The following ETV3L variants were observed in gnomAD, a reference collection of about 807,000 sequenced individuals.
The protein encoded by ETV3L is ETS translocation variant 3-like protein.
ETV3L carries 30 observed loss-of-function variants against 27.6 expected under a neutral mutation model. The ratio of observed to expected loss-of-function variants is 1.09; its 90% CI spans 0.81 to 1.48. The LOEUF is 1.48. Ranked by LOEUF, ETV3L falls within the 40% of genes most tolerant of loss-of-function variation. ETV3L has a pLI of 0.00. For missense variants in ETV3L, 443 were observed against 455.6 expected, an observed-to-expected ratio of 0.97 and a Z score of 0.25; for synonymous variants, 186 against 188.9, an observed-to-expected ratio of 0.98 and a Z score of 0.12.
rs776003709 is a variant in ETV3L at position 157,098,668 on chromosome 1, T to C, written c.486+38A>G. 2.0e-6 allele frequency: 3 copies of C among 1,531,058 alleles called. No individual in the cohort carries two copies. The African/African-American group carries it at 4.2e-5, about 21-fold the overall frequency. The allele number at this position is 1,531,058 out of a possible 1,614,324, so 94.8% of individuals were successfully genotyped here. ...GCCTCCTGGGCAGAGGGGTAGGACCTGGTGGAGCCCTGAGACAGGGGCCAC... is the reference window on the plus strand; with the variant it reads ...GCCTCCTGGGCAGAGGGGTAGGACCCGGTGGAGCCCTGAGACAGGGGCCAC... On this transcript the variant is annotated intron_variant, in intron 3 of 4. Transcript: ENST00000454449.
intron 4 of ETV3L, among the ~76,000 whole-genome samples, chr1:157,095,223 G>A (rs1674197172): frequency 6.6e-6 from 1 of 152,152 alleles, no homozygotes; most frequent in African/African-American, 2.4e-5. Context: ...TCTCCAACAG[G>A]TTCCCAACCT....
Position 157,099,393 on chromosome 1 carries a change from G to A in ETV3L, c.59-15C>T. The A allele has an allele frequency of 6.2e-7, 1 of 1,614,084 alleles. No individual in the cohort carries two copies. The highest frequency in any genetic ancestry group is 1.3e-5 in the African/African-American group (1 of 75,066). ...GAAGGCCAACCCTGGGTGGAGAGGGGAGAGTGAGGGCTCTGGAGGCCCTGC... is the reference window on the plus strand; with the variant it reads ...GAAGGCCAACCCTGGGTGGAGAGGGAAGAGTGAGGGCTCTGGAGGCCCTGC... On this transcript the variant is annotated splice_polypyrimidine_tract_variant and intron_variant, in intron 1 of 4. Transcript: ENST00000454449.
At chr1:157,093,741 C>T (rs1020445820) in intron 4 of ETV3L, among the ~76,000 whole-genome samples, 4 of 152,194 alleles carry the variant, frequency 2.6e-5, no homozygotes, top group Non-Finnish European at 5.9e-5. Context: ...GATCCACCTG[C>T]CTTGGCGTCC....
At chr1:157,094,370 C>T (rs1674180978) in intron 4 of ETV3L, among the ~76,000 whole-genome samples, 1 of 152,196 alleles carries the variant, frequency 6.6e-6, no homozygotes, top group Non-Finnish European at 1.5e-5. Context: ...CTTTCCACCT[C>T]CAAAAAGGCT....
intron 2 of ETV3L, 68 bp from the exon 3 acceptor site, chr1:157,098,963 C>T: frequency 1.3e-6 from 2 of 1,520,776 alleles, no homozygotes; most frequent in Non-Finnish European, 1.8e-6. Context: ...GACCCAGTCA[C>T]ATTCTCCTCC....
chr1:157,094,491 C>T (rs187534756), intron 4 of ETV3L, among the ~76,000 whole-genome samples: 3 of 152,374 alleles, frequency 2.0e-5, no homozygotes, highest in African/African-American at 7.2e-5. Context: ...TAGAACTTCA[C>T]ATCACTTTCT....
chr1:157,096,461 C>T (rs188440627), intron 4 of ETV3L, among the ~76,000 whole-genome samples: 37 of 152,232 alleles, frequency 2.4e-4, no homozygotes, highest in Admixed American at 2.1e-3. Context: ...AGTGAATGAA[C>T]CCTATCTTCC....
Position 157,099,647 on chromosome 1 carries a change from G to A in ETV3L, c.-124C>T. ...AGGAAGGAAAAATGGAGGGAAAGAA[G>A]GAAGGAAGGGAGAGGGTCAGGAAAG... On this transcript the variant is annotated 5_prime_UTR_variant, in exon 1 of 5. Coordinates refer to ENST00000454449, the MANE Select transcript of ETV3L (RefSeq NM_001004341.2). 1 of 782,530 alleles carries A rather than the reference G, an allele frequency of 1.3e-6. No individual in the cohort carries two copies. The allele number at this position is 782,530 out of a possible 1,614,324, so 48.5% of individuals were successfully genotyped here.
At chr1:157,095,685 G>A (rs1674205890) in intron 4 of ETV3L, among the ~76,000 whole-genome samples, 1 of 152,018 alleles carries the variant, frequency 6.6e-6, no homozygotes, top group African/African-American at 2.4e-5. Context: ...GGAGAAACAG[G>A]GAGGACTGTT....
At position 157,098,019 on chromosome 1, in the gene ETV3L, A is replaced by T. The variant is rs572944387; in HGVS notation, c.487-31T>A. ...GGGTGAGAAGTAGGTGCGAGGTGTG[A>T]TGGGCTCTCCTTGGCATGTATCCTC... On this transcript the variant is annotated intron_variant, in intron 3 of 4. Coordinates refer to ENST00000454449, the MANE Select transcript of ETV3L (RefSeq NM_001004341.2). The T allele has an allele frequency of 6.9e-5, 109 of 1,570,250 alleles. 2 individuals carry two copies. The South Asian group carries it at 1.3e-3, about 18-fold the overall frequency.
At chr1:157,098,969 C>T (rs1191434542) in intron 2 of ETV3L, 74 bp from the exon 3 acceptor site, 7 of 1,511,882 alleles carry the variant, frequency 4.6e-6, no homozygotes, top group African/African-American at 1.4e-5. Flanking sequence ...GTCACATTCT[C>T]CTCCCTAGCC....
chr1:157,098,232 G>C (rs61267662), intron 3 of ETV3L, among the ~76,000 whole-genome samples: 3,358 of 152,168 alleles, frequency 0.022, 119 homozygotes, highest in African/African-American at 0.076. Context: ...TAGTAGCTGG[G>C]ATTACAGACA....
rs572861514 is a variant in ETV3L, at chr1:157,093,146, A to T, written c.608-19T>A. 1 of 1,434,788 alleles carries T rather than the reference A, an allele frequency of 7.0e-7. No homozygotes were observed. The highest frequency in any genetic ancestry group is 2.9e-5 in the Admixed American group (1 of 34,418). 88.9% of individuals were successfully genotyped at this position (1,434,788 alleles called of 1,614,324 possible). On this transcript the variant is annotated intron_variant, in intron 4 of 4. Coordinates refer to ENST00000454449, the MANE Select transcript of ETV3L (RefSeq NM_001004341.2). ...CCAAGTCCTAGAGAAAGAAAGAGAGAAAGGGTCAAGGGAGCCCAACCTCTC... is the reference window on the plus strand; with the variant it reads ...CCAAGTCCTAGAGAAAGAAAGAGAGTAAGGGTCAAGGGAGCCCAACCTCTC...
Position 157,092,992 on chromosome 1 carries a change from G to A in ETV3L, c.743C>T (p.Ser248Leu), listed in dbSNP as rs372629674. 9 of 1,612,604 alleles carry A rather than the reference G, an allele frequency of 5.6e-6. No homozygotes were observed. The highest frequency in any genetic ancestry group is 2.7e-5 in the African/African-American group (2 of 74,872). Residue 248 changes from serine to leucine, a missense_variant, in exon 5 of 5, where the codon TCG becomes TTG. Coordinates refer to ENST00000454449, the MANE Select transcript of ETV3L (RefSeq NM_001004341.2). ...CGGGAGAGGAGGCAAGAAGGGCCCC[G>A]AGAGACAGGTCCAGTTGGAGGGCAG... is the stretch of plus-strand genomic sequence containing the variant. ...PPLPSNWTCL[S>L]GPFLPPLPSE...
At chr1:157,093,918 G>A (rs1045001182) in intron 4 of ETV3L, among the ~76,000 whole-genome samples, 2 of 152,150 alleles carry the variant, frequency 1.3e-5, no homozygotes, top group African/African-American at 2.4e-5. Flanking sequence ...TCCTCCAAGG[G>A]CACTCGGCTG....
At chr1:157,099,000 C>A (rs1674286641) in intron 2 of ETV3L, 105 bp from the exon 3 acceptor site, 1 of 1,487,168 alleles carries the variant, frequency 6.7e-7, no homozygotes, top group Non-Finnish European at 9.2e-7. Context: ...TAAGCTGTTC[C>A]CCGAGAACCA....
Position 157,092,559 on chromosome 1 carries a change from G to A in ETV3L, c.*90C>T. 1 of 1,127,546 alleles carries A rather than the reference G, an allele frequency of 8.9e-7. No individual in the cohort carries two copies. Among genetic ancestry groups the A allele is most frequent in the Non-Finnish European group, 1.3e-6 (1 of 789,252 alleles). The allele number at this position is 1,127,546 out of a possible 1,614,324, so 69.8% of individuals were successfully genotyped here. On this transcript the variant is annotated 3_prime_UTR_variant, in exon 5 of 5. Transcript: ENST00000454449. ...ATCCTGCAATTTCAGCCCATGTCCA[G>A]CCAGGGGAAGGGGCTAACCCAGAGG...
At chr1:157,093,290 C>G (rs1014718891) in intron 4 of ETV3L, among the ~76,000 whole-genome samples, 163 bp from the exon 5 acceptor site, 3 of 152,012 alleles carry the variant, frequency 2.0e-5, no homozygotes, top group African/African-American at 7.2e-5. Context: ...GAGAGTCTCT[C>G]TCTGTCACCC....
In ETV3L at chr1:157,097,899, C is replaced by T. The variant is rs139209974; in HGVS notation, c.576G>A (p.Gly192=). ...QTPRGPPETS[G]DKKGSSSSVY... is the part of the protein sequence containing the mutation. The stretch of plus-strand genomic sequence containing the variant: ...CGCTGCTGCTGCTCCCCTTCTTATC[C>T]CCAGAGGTCTCTGGTGGCCCTCGGG... The change falls in exon 4 of 5, where the codon GGG becomes GGA. Residue 192 remains glycine, a synonymous_variant. Transcript: ENST00000454449. 4 of 1,613,516 alleles carry T rather than the reference C, an allele frequency of 2.5e-6. No homozygotes were observed. In the African/African-American group the frequency reaches 4.0e-5, roughly 16 times the overall value.
Sources: gnomAD v4.1 joint callset for allele counts (sites outside exome capture counted in the v4.1 genomes callset) on GRCh38, gnomAD v4.1.1 for gene constraint, MANE v1.5 for transcripts, NCBI Gene and HGNC (gene_info 2026-07-23, HGNC 2026-07-21) for gene names.